SUCLG2: variants seen among roughly 807,000 people sequenced by gnomAD.
SUCLG2 encodes the protein succinate-CoA ligase GDP-forming subunit beta.
In SUCLG2, 42 loss-of-function variants were observed where a neutral mutation model predicts 47.9. That is an observed-to-expected ratio of 0.88 (90% confidence interval 0.69 to 1.14). The LOEUF (loss-of-function observed/expected upper bound fraction) is 1.14, where lower values mean the gene tolerates loss of function less well. Ranked by LOEUF, SUCLG2 falls within the 50% of genes most tolerant of loss-of-function variation. The pLI, the probability that SUCLG2 is intolerant of heterozygous loss-of-function variation, is 0.00. For missense variants in SUCLG2, 571 were observed against 525.9 expected (o/e 1.09, Z -0.84); for synonymous variants, 195 against 197.3 (o/e 0.99, Z 0.10).
chr3:67,462,541 C>G (rs1208999873), intron 9 of SUCLG2, among the ~76,000 whole-genome samples: 1 of 152,216 alleles, frequency 6.6e-6, no homozygotes, highest in Admixed American at 6.5e-5. Context: ...ATGGAGGTTT[C>G]TGTAGGGCGG....
At chr3:67,457,947 A>G (rs1704231123) in intron 9 of SUCLG2, among the ~76,000 whole-genome samples, 1 of 152,110 alleles carries the variant, frequency 6.6e-6, no homozygotes, top group South Asian at 2.1e-4. Flanking sequence ...ATGTGGCAGC[A>G]GAGATGCTGA....
intron 2 of SUCLG2, among the ~76,000 whole-genome samples, chr3:67,592,743 A>AAAAAAAAAAAAAAAAAAAAAAAAC (rs1559587055): frequency 1.7e-4 from 25 of 148,478 alleles, no homozygotes; most frequent in African/African-American, 6.4e-4. Flanking sequence ...AAAACAACAA[A>AAAAAAAAAAAAAAAAAAAAAAAAC]AAAAAACTGA....
At chr3:67,400,937 A>G (rs1416546515) in intron 9 of SUCLG2, 86 bp from the exon 10 acceptor site, 8 of 1,561,486 alleles carry the variant, frequency 5.1e-6, no homozygotes, top group Non-Finnish European at 6.1e-6. Context: ...GAGACAATTA[A>G]AATAAGACTG....
intron 1 of SUCLG2, among the ~76,000 whole-genome samples, chr3:67,636,547 T>C (rs1575834217): frequency 6.6e-6 from 1 of 152,058 alleles, no homozygotes; most frequent in East Asian, 1.9e-4. Flanking sequence ...AGAGACGGGG[T>C]TTCACCGTGT....
intron 9 of SUCLG2, among the ~76,000 whole-genome samples, chr3:67,437,913 C>T (rs1030897787): frequency 6.6e-6 from 1 of 152,076 alleles, no homozygotes; most frequent in Non-Finnish European, 1.5e-5. Flanking sequence ...CTTTAATACT[C>T]CCTTCAAGAG....
intron 2 of SUCLG2, among the ~76,000 whole-genome samples, chr3:67,591,736 C>T (rs933448985): frequency 6.6e-6 from 1 of 152,126 alleles, no homozygotes; most frequent in Non-Finnish European, 1.5e-5. Context: ...AGCATAAAAA[C>T]GGACTAATAC....
In SUCLG2 at chr3:67,649,490, GC is replaced by G. The variant is rs1341989994; in HGVS notation, c.84+5012del. Among the ~76,000 whole-genome samples, 10 of 152,196 alleles carry G rather than the reference GC, an allele frequency of 6.6e-5. No homozygotes were observed. The South Asian group carries it at 1.9e-3, about 28-fold the overall frequency. On this transcript the variant is annotated intron_variant, in intron 1 of 10. Transcript: ENST00000307227. ...CCTGCTGAATTCTGGGCTTTCTGAA[GC>G]CCCATTTAGACTTCTTTGTATACCC... is the stretch of plus-strand genomic sequence containing the variant.
chr3:67,644,018 G>C (rs1211181288), intron 1 of SUCLG2, among the ~76,000 whole-genome samples: 3 of 152,152 alleles, frequency 2.0e-5, no homozygotes, highest in Non-Finnish European at 4.4e-5. Context: ...CCCACTGAAA[G>C]AATCAATGAA....
intron 2 of SUCLG2, among the ~76,000 whole-genome samples, chr3:67,545,927 T>C (rs550129219): frequency 1.3e-5 from 2 of 152,316 alleles, no homozygotes; most frequent in South Asian, 4.1e-4. Flanking sequence ...CAAATAAGAA[T>C]GTATCCACTT....
chr3:67,542,088 G>T (rs1706731233), intron 2 of SUCLG2, among the ~76,000 whole-genome samples: 1 of 151,854 alleles, frequency 6.6e-6, no homozygotes, highest in Non-Finnish European at 1.5e-5. Context: ...AGGTCAGGTT[G>T]GTCTCAAACT....
chr3:67,640,345 C>T (rs1408797266), intron 1 of SUCLG2, among the ~76,000 whole-genome samples: 1 of 152,184 alleles, frequency 6.6e-6, no homozygotes, highest in African/African-American at 2.4e-5. Flanking sequence ...GATAGATGTA[C>T]AATGAATGTT....
chr3:67,454,768 CTGGCTAACAA>C (rs1323246708), intron 9 of SUCLG2, among the ~76,000 whole-genome samples: 1 of 152,102 alleles, frequency 6.6e-6, no homozygotes, highest in Non-Finnish European at 1.5e-5. Context: ...CGAGACCATC[CTGGCTAACAA>C]AGTGAAACCC....
intron 2 of SUCLG2, among the ~76,000 whole-genome samples, chr3:67,558,733 G>C (rs903645289): frequency 5.3e-5 from 8 of 152,312 alleles, no homozygotes; most frequent in Admixed American, 1.3e-4. Context: ...TCCACTAAAA[G>C]CAGATGATGA....
At chr3:67,563,441 A>T (rs2634744) in intron 2 of SUCLG2, among the ~76,000 whole-genome samples, 7 of 152,024 alleles carry the variant, frequency 4.6e-5, no homozygotes, top group African/African-American at 1.7e-4. Flanking sequence ...AAAATGAGAC[A>T]GTGAGGATGT....
chr3:67,612,622 C>T (rs1005449238), intron 1 of SUCLG2, among the ~76,000 whole-genome samples: 1 of 152,180 alleles, frequency 6.6e-6, no homozygotes, highest in Non-Finnish European at 1.5e-5. Flanking sequence ...ATTATTATCT[C>T]TCTCTGTAGC....
At chr3:67,517,848 A>T (rs1705987188) in intron 6 of SUCLG2, among the ~76,000 whole-genome samples, 1 of 152,182 alleles carries the variant, frequency 6.6e-6, no homozygotes, top group African/African-American at 2.4e-5. Flanking sequence ...ACATTATTCT[A>T]CTGAATCCCC....
At chr3:67,400,707 C>T (rs372425092) in intron 10 of SUCLG2, 24 bp downstream of exon 10, 11 of 1,608,222 alleles carry the variant, frequency 6.8e-6, no homozygotes, top group Non-Finnish European at 9.3e-6. Flanking sequence ...GGTGCTGGCA[C>T]AGCGGAAATC....
chr3:67,545,297 T>C (rs1005836855), intron 2 of SUCLG2, among the ~76,000 whole-genome samples: 6 of 152,158 alleles, frequency 3.9e-5, no homozygotes, highest in African/African-American at 1.4e-4. Flanking sequence ...GTCTTCAATT[T>C]TAAAGTTTGT....
At chr3:67,398,536 G>T (rs1323526491) in intron 10 of SUCLG2, among the ~76,000 whole-genome samples, 3 of 151,900 alleles carry the variant, frequency 2.0e-5, no homozygotes, top group African/African-American at 7.3e-5. Flanking sequence ...TGCTGGAGAG[G>T]ATGTGGAGAA....
Sources: allele counts gnomAD v4.1 joint callset (sites outside exome capture counted in the v4.1 genomes callset), GRCh38; gene constraint gnomAD v4.1.1; transcripts MANE v1.5; gene names NCBI Gene and HGNC (gene_info 2026-07-23, HGNC 2026-07-21).